The following SLC30A2 variants were observed in gnomAD, a reference collection of about 807,000 sequenced individuals.
SLC30A2 encodes proton-coupled zinc antiporter SLC30A2.
In SLC30A2, 19 loss-of-function variants were observed where a neutral mutation model predicts 39.6. That is an observed-to-expected ratio of 0.48 (90% CI 0.34 to 0.70). The LOEUF (loss-of-function observed/expected upper bound fraction) is 0.70. SLC30A2 is among the 30% of genes least tolerant of loss of function. The probability of loss-of-function intolerance (pLI) is 0.01; values close to 1 mark genes in which losing one functional copy is unlikely to be tolerated. For missense variants in SLC30A2, 387 were observed against 479.4 expected, an observed-to-expected ratio of 0.81 and a Z score of 1.80; for synonymous variants, 195 against 194.8, an observed-to-expected ratio of 1.00 and a Z score of -0.01.
At chr1:26,042,296 C>T (rs6686468) in intron 5 of SLC30A2, among the ~76,000 whole-genome samples, 94,521 of 152,186 alleles carry the variant, frequency 0.62, 31,519 homozygotes, top group East Asian at 0.87. Context: ...TATGCTTTAC[C>T]GGCTGTGTGA....
intron 4 of SLC30A2, 109 bp downstream of exon 4, chr1:26,043,289 G>A: frequency 1.7e-6 from 2 of 1,199,554 alleles, no homozygotes; most frequent in East Asian, 2.3e-5. Context: ...TTCTGTCCCT[G>A]TAGCGTATGC....
intron 6 of SLC30A2, 106 bp from the exon 7 acceptor site, chr1:26,040,017 G>A (rs2050379801): frequency 2.3e-6 from 3 of 1,298,902 alleles, no homozygotes; most frequent in South Asian, 2.7e-5. Flanking sequence ...CCTCAAAGAA[G>A]ACCTCTTTGG....
In SLC30A2 at chr1:26,038,488, G is replaced by A. The variant is rs2050363278; in HGVS notation, c.*672C>T. The A allele has an allele frequency of 6.6e-6, 1 of 152,252 alleles. No individual in the cohort carries two copies. The highest frequency in any genetic ancestry group is 1.5e-5 in the Non-Finnish European group (1 of 68,054). 9.4% of individuals were successfully genotyped at this position (152,252 alleles called of 1,614,324 possible). On this transcript the variant is annotated 3_prime_UTR_variant, in exon 8 of 8. Coordinates refer to ENST00000374276, the MANE Select transcript of SLC30A2 (RefSeq NM_001004434.3). Reference sequence around the variant, plus strand: ...AGGCTGTTAGTGCAGAACCCAAGCTGAAATCTCTCTACCCCCTGCCCACCA... The same window carrying A: ...AGGCTGTTAGTGCAGAACCCAAGCTAAAATCTCTCTACCCCCTGCCCACCA...
chr1:26,042,396 T>C (rs1211509083), intron 5 of SLC30A2, among the ~76,000 whole-genome samples, 153 bp downstream of exon 5: 2 of 152,210 alleles, frequency 1.3e-5, no homozygotes, highest in Non-Finnish European at 2.9e-5. Context: ...TGCTGACACT[T>C]GGTAGGTATT....
intron 6 of SLC30A2, among the ~76,000 whole-genome samples, chr1:26,040,745 C>A (rs931751968): frequency 6.6e-6 from 1 of 152,112 alleles, no homozygotes; most frequent in African/African-American, 2.4e-5. Flanking sequence ...TGACCCTGAC[C>A]ACGCAGAGGC....
intron 3 of SLC30A2, among the ~76,000 whole-genome samples, chr1:26,044,042 G>A (rs1056491579): frequency 2.0e-5 from 3 of 152,158 alleles, no homozygotes; most frequent in Admixed American, 1.3e-4. Context: ...CTTGGCTACT[G>A]CACTTCTTAG....
chr1:26,045,573 C>A (rs542018264), intron 1 of SLC30A2: 11 of 629,496 alleles, frequency 1.7e-5, no homozygotes, highest in Middle Eastern at 4.4e-4. Flanking sequence ...CTGCCTGGGG[C>A]AAAGTGCTGG....
At position 26,041,631 on chromosome 1, in the gene SLC30A2, C is replaced by T. The variant is rs746463970; in HGVS notation, c.838+69G>A. On this transcript the variant is annotated intron_variant, in intron 6 of 7. Transcript: ENST00000374276. ...TGTGCTAGGATGCCCCAGACACACA[C>T]ATACCCTATTTGAGCTGATTAGCGC... 85 of 920,556 alleles carry T rather than the reference C, an allele frequency of 9.2e-5. 1 individual carries two copies. The highest frequency in any genetic ancestry group is 1.4e-4 in the Non-Finnish European group (77 of 555,426). 57.0% of individuals were successfully genotyped at this position (920,556 alleles called of 1,614,324 possible).
In SLC30A2 at chr1:26,039,861, C is replaced by A. The variant is rs765476846; in HGVS notation, c.889G>T (p.Val297Leu). ...CTGTGCAGGGCTTCTACCCCCTCCA[C>A]CGACAGCAGCAGATCACGAACAGCT... is the stretch of plus-strand genomic sequence containing the variant. ...FTAVRDLLLS[V>L]EGVEALHSLH... The change falls in exon 7 of 8, where the codon GTG (valine) becomes TTG (leucine). Residue 297 changes from valine (V) to leucine (L), a missense_variant. Val to Leu is a conservative substitution (Grantham distance 32, BLOSUM62 1). Coordinates refer to ENST00000374276, the MANE Select transcript of SLC30A2 (RefSeq NM_001004434.3). The surrounding 1 kb of genome is among the most constrained non-coding windows in gnomAD (Gnocchi z 4.3). 1.2e-6 allele frequency: 2 copies of A among 1,614,126 alleles called. No individual in the cohort carries two copies. Among genetic ancestry groups the A allele is most frequent in the Admixed American group, 3.3e-5 (2 of 60,010 alleles).
In SLC30A2 at chr1:26,044,869, C is replaced by T. The variant is rs572259006; in HGVS notation, c.271+128G>A. 2.0e-4 allele frequency: 152 copies of T among 748,544 alleles called. 1 individual carries two copies. The South Asian group carries it at 2.4e-3, about 12-fold the overall frequency. The allele number at this position is 748,544 out of a possible 1,614,324, so 46.4% of individuals were successfully genotyped here. Reference sequence around the variant, plus strand: ...ACACAGGTTGTTGTTAGACCTGCATCAGATAATGTGTATATAAAGGCTTAC... The same window carrying T: ...ACACAGGTTGTTGTTAGACCTGCATTAGATAATGTGTATATAAAGGCTTAC... On this transcript the variant is annotated intron_variant, in intron 2 of 7. Transcript: ENST00000374276.
Position 26,046,040 on chromosome 1 carries a change from C to T in SLC30A2, c.-144G>A. On this transcript the variant is annotated 5_prime_UTR_variant, in exon 1 of 8. Transcript: ENST00000374276. The surrounding 1 kb of genome is among the most constrained non-coding windows in gnomAD (Gnocchi z 4.4). ...CTCACTCCGGCCCGGCTCCTGCGGC[C>T]CCTGAGCTCCCCCGGCTCCCGCTGC... is the stretch of plus-strand genomic sequence containing the variant. 1 of 1,359,116 alleles carries T rather than the reference C, an allele frequency of 7.4e-7. No individual in the cohort carries two copies. The highest frequency in any genetic ancestry group is 9.4e-7 in the Non-Finnish European group (1 of 1,064,516). 84.2% of individuals were successfully genotyped at this position (1,359,116 alleles called of 1,614,324 possible).
intron 1 of SLC30A2, 44 bp downstream of exon 1, chr1:26,045,803 G>A (rs1350628141): frequency 2.5e-6 from 4 of 1,613,234 alleles, no homozygotes; most frequent in Non-Finnish European, 3.4e-6. Context: ...GAGGTGCGTC[G>A]GCTGCCGCCA....
chr1:26,039,388 C>A lies in SLC30A2; in HGVS notation c.974-83G>T, dbSNP rs2050373786. Reference sequence around the variant, plus strand: ...CAGGAGCCCAAATCTCATACCCCATCCCCAGCAGAACAGGATGGGGGACCA... The same window carrying A: ...CAGGAGCCCAAATCTCATACCCCATACCCAGCAGAACAGGATGGGGGACCA... On this transcript the variant is annotated intron_variant, in intron 7 of 7. Coordinates refer to ENST00000374276, the MANE Select transcript of SLC30A2 (RefSeq NM_001004434.3). This position sits in a 1 kb window ranked among gnomAD's most constrained non-coding sequence, Gnocchi z 4.3. The A allele has an allele frequency of 1.1e-5, 12 of 1,050,516 alleles. No individual in the cohort carries two copies. Among genetic ancestry groups the A allele is most frequent in the Non-Finnish European group, 2.9e-6 (2 of 700,500 alleles). 65.1% of individuals were successfully genotyped at this position (1,050,516 alleles called of 1,614,324 possible). A position where few individuals can be genotyped will look rare whatever the true frequency, so the allele number is the denominator to read the frequency against.
intron 6 of SLC30A2, among the ~76,000 whole-genome samples, chr1:26,040,921 C>G (rs952153492): frequency 6.0e-5 from 9 of 150,972 alleles, no homozygotes; most frequent in Non-Finnish European, 1.3e-4. Flanking sequence ...GTGAGACCCC[C>G]CCCCCATCTC....
At chr1:26,045,275 C>T in intron 1 of SLC30A2, 58 bp from the exon 2 acceptor site, 1 of 1,394,646 alleles carries the variant, frequency 7.2e-7, no homozygotes, top group Non-Finnish European at 1.0e-6. Flanking sequence ...GGAGGGCCGA[C>T]TCTAGTCCCA....
In SLC30A2 at chr1:26,039,044, G is replaced by A; in HGVS notation, c.*116C>T. 6.7e-7 allele frequency: 1 copy of A among 1,491,876 alleles called. No homozygotes were observed. The highest frequency in any genetic ancestry group is 2.4e-5 in the East Asian group (1 of 42,000). The allele number at this position is 1,491,876 out of a possible 1,614,324, so 92.4% of individuals were successfully genotyped here. ...CCTGGAGTGGGGCAGAGGTCAGGAG[G>A]GGGACCTGGTTTACAACACAGCTGG... On this transcript the variant is annotated 3_prime_UTR_variant, in exon 8 of 8. Coordinates refer to ENST00000374276, the MANE Select transcript of SLC30A2 (RefSeq NM_001004434.3). This position sits in a 1 kb window ranked among gnomAD's most constrained non-coding sequence, Gnocchi z 4.3.
intron 6 of SLC30A2, among the ~76,000 whole-genome samples, 192 bp downstream of exon 6, chr1:26,041,508 C>A (rs2050396980): frequency 6.6e-6 from 1 of 152,170 alleles, no homozygotes; most frequent in Non-Finnish European, 1.5e-5. Context: ...CCAGGAACTG[C>A]CACACCTGAA....
rs1233013347 is a variant in SLC30A2 at position 26,037,253 on chromosome 1, A to G, written c.*1907T>C. On this transcript the variant is annotated 3_prime_UTR_variant, in exon 8 of 8. Transcript: ENST00000374276. ...TTTTTTTTTTTTTTTTTTTTTTTTA[A>G]GCTGGAGTCTCGCTCTGTCACCCAG... The G allele has an allele frequency of 2.0e-3, 233 of 114,156 alleles. 3 individuals are homozygous for G. The highest frequency in any genetic ancestry group is 8.8e-3 in the African/African-American group (214 of 24,378). The allele number at this position is 114,156 out of a possible 1,614,324, so 7.1% of individuals were successfully genotyped here. A position where few individuals can be genotyped will look rare whatever the true frequency, so the allele number is the denominator to read the frequency against.
At chr1:26,044,144 G>C (rs1165272781) in intron 3 of SLC30A2, among the ~76,000 whole-genome samples, 154 bp downstream of exon 3, 2 of 152,316 alleles carry the variant, frequency 1.3e-5, no homozygotes, top group East Asian at 3.9e-4. Context: ...AGAGGACAGA[G>C]GCCATGGTTG....
Sources: allele counts gnomAD v4.1 joint callset (sites outside exome capture counted in the v4.1 genomes callset), GRCh38; gene constraint gnomAD v4.1.1; non-coding constraint Gnocchi (gnomAD v3.1); transcripts MANE v1.5; gene names NCBI Gene and HGNC (gene_info 2026-07-23, HGNC 2026-07-21).